The following ESPNL variants were observed in gnomAD, a reference collection of about 807,000 sequenced individuals.
ESPNL encodes the protein espin-like protein.
In ESPNL, 49 loss-of-function variants were observed where a neutral mutation model predicts 46.8. The ratio of observed to expected loss-of-function variants is 1.05; its 90% CI spans 0.83 to 1.33. The LOEUF (loss-of-function observed/expected upper bound fraction) is 1.33, where lower values mean the gene tolerates loss of function less well. Ranked by LOEUF, ESPNL falls within the 40% of genes most tolerant of loss-of-function variation. The pLI is 0.00. For missense variants in ESPNL, 1,540 were observed against 1,436.6 expected (o/e 1.07, Z -1.16); for synonymous variants, 664 against 662.1 (o/e 1.00, Z -0.04).
intron 6 of ESPNL, 36 bp from the exon 7 acceptor site, chr2:238,127,586 T>G: frequency 6.4e-7 from 1 of 1,558,916 alleles, no homozygotes; most frequent in African/African-American, 1.4e-5. Context: ...TCCCCAGCCC[T>G]TGCCCTTTCT....
rs537479190 is a variant in ESPNL at position 238,101,014 on chromosome 2, A to G, written c.294+301A>G. ...CTGTCTCTGATCAGGCCTGGTCCAC[A>G]GGGCCTGCCTCCCAAAGGGTCTAGA... On this transcript the variant is annotated intron_variant, in intron 1 of 8. Transcript: ENST00000343063. Among the ~76,000 whole-genome samples the G allele has an allele frequency of 3.3e-5, 5 of 152,348 alleles. No individual in the cohort carries two copies. In the South Asian group the frequency reaches 1.0e-3, roughly 32 times the overall value.
chr2:238,125,173 T>C, intron 5 of ESPNL, 97 bp from the exon 6 acceptor site: 1 of 547,120 alleles, frequency 1.8e-6, no homozygotes, highest in Non-Finnish European at 3.2e-6. Flanking sequence ...ATGCACAGGC[T>C]CCCCAAGGCT....
At chr2:238,125,184 C>T (rs888321609) in intron 5 of ESPNL, 86 bp from the exon 6 acceptor site, 3 of 588,448 alleles carry the variant, frequency 5.1e-6, no homozygotes, top group Middle Eastern at 2.7e-4. Context: ...CCCCAAGGCT[C>T]GTCCACTGGG....
Position 238,107,872 on chromosome 2 carries a change from A to G in ESPNL, c.754A>G (p.Thr252Ala), listed in dbSNP as rs773695802. The part of the protein sequence containing the change: ...ALHFAARGGH[T>A]PILDRLLLMG... ...GCACTTTGCAGCCCGAGGCGGCCAC[A>G]CGCCCATTCTAGACCGACTCCTGCT... is the stretch of plus-strand genomic sequence containing the variant. The change falls in exon 4 of 9, where the codon ACG (threonine) becomes GCG (alanine). Residue 252 changes from threonine to alanine, a missense_variant. By Grantham distance (58) the Thr-to-Ala change is moderately conservative. Transcript: ENST00000343063. The G allele has an allele frequency of 3.1e-6, 5 of 1,611,928 alleles. No homozygotes were observed. In the South Asian group the frequency reaches 4.4e-5, roughly 14 times the overall value.
chr2:238,101,990 G>A lies in ESPNL; in HGVS notation c.344G>A (p.Gly115Glu). ...CCGCTGCACCTGGCCGCCCGTTTTG[G>A]ACACCCAGTGCTGGTGGAGTGGCTG... Reference protein sequence around the residue: ...VSPLHLAARFGHPVLVEWLLH... With the variant: ...VSPLHLAARFEHPVLVEWLLH... Residue 115 changes from glycine (G) to glutamate (E), a missense_variant, in exon 2 of 9, where the codon GGA becomes GAA. Coordinates refer to ENST00000343063, the MANE Select transcript of ESPNL (RefSeq NM_194312.4). 1.2e-6 allele frequency: 2 copies of A among 1,610,628 alleles called. No homozygotes were observed. The highest frequency in any genetic ancestry group is 1.7e-6 in the Non-Finnish European group (2 of 1,179,718).
chr2:238,126,278 TTG>T lies in ESPNL; in HGVS notation c.1102+898_1102+899del, dbSNP rs529632175. On this transcript the variant is annotated intron_variant, in intron 6 of 8. Transcript: ENST00000343063. ...ATTGTGTGTTCTGTACATCTGTGTATTGTGTTTGTGTTTCTGTGCATGATTGT... is the reference window on the plus strand; with the variant it reads ...ATTGTGTGTTCTGTACATCTGTGTATTGTTTGTGTTTCTGTGCATGATTGT... Among the ~76,000 whole-genome samples, 64 of 151,558 alleles carry T rather than the reference TTG, an allele frequency of 4.2e-4. 1 individual carries two copies. Among genetic ancestry groups the T allele is most frequent in the African/African-American group, 1.5e-3 (62 of 41,302 alleles).
In ESPNL at chr2:238,130,706, C is replaced by T; in HGVS notation, c.1992C>T (p.Gly664=). The change falls in exon 9 of 9, where the codon GGC becomes GGT. Residue 664 remains glycine, a synonymous_variant. Transcript: ENST00000343063. ...TLRGNFESAS[G]PLCGFNPGPC... is the part of the protein sequence containing the mutation. ...GGGGCAACTTCGAGTCGGCCTCTGG[C>T]CCACTCTGTGGCTTCAACCCTGGCC... 1 of 1,566,778 alleles carries T rather than the reference C, an allele frequency of 6.4e-7. No individual in the cohort carries two copies. The highest frequency in any genetic ancestry group is 2.3e-5 in the East Asian group (1 of 42,658).
Position 238,130,615 on chromosome 2 carries a change from C to T in ESPNL, c.1901C>T (p.Ala634Val). Residue 634 changes from alanine to valine, a missense_variant, in exon 9 of 9, where the codon GCC becomes GTC. Physicochemically the swap from Ala to Val is moderately conservative, Grantham distance 64 (BLOSUM62 0). Coordinates refer to ENST00000343063, the MANE Select transcript of ESPNL (RefSeq NM_194312.4). ...PLQDTCREAS[A>V]SPPRSEAQRQ... Reference sequence around the variant, plus strand: ...CAGGACACCTGCAGGGAGGCCTCGGCCAGCCCCCCTCGGAGCGAGGCCCAG... The same window carrying T: ...CAGGACACCTGCAGGGAGGCCTCGGTCAGCCCCCCTCGGAGCGAGGCCCAG... 1 of 1,564,428 alleles carries T rather than the reference C, an allele frequency of 6.4e-7. No homozygotes were observed. Among genetic ancestry groups the T allele is most frequent in the East Asian group, 2.4e-5 (1 of 42,342 alleles).
chr2:238,107,899 A>G lies in ESPNL; in HGVS notation c.781A>G (p.Met261Val), dbSNP rs1445150698. 1 of 1,612,946 alleles carries G rather than the reference A, an allele frequency of 6.2e-7. No homozygotes were observed. Among genetic ancestry groups the G allele is most frequent in the Admixed American group, 1.7e-5 (1 of 59,966 alleles). The change falls in exon 4 of 9, where the codon ATG (methionine) becomes GTG (valine). Residue 261 changes from methionine (M) to valine (V), a missense_variant. Physicochemically the swap from Met to Val is conservative, Grantham distance 21. Transcript: ENST00000343063. ...GCCCATTCTAGACCGACTCCTGCTCATGGGTACCCCCATCCTGAGAGACTC... is the reference window on the plus strand; with the variant it reads ...GCCCATTCTAGACCGACTCCTGCTCGTGGGTACCCCCATCCTGAGAGACTC... ...HTPILDRLLL[M>V]GTPILRDSWG...
chr2:238,122,603 T>C (rs1003171112), intron 5 of ESPNL, among the ~76,000 whole-genome samples: 1 of 152,150 alleles, frequency 6.6e-6, no homozygotes, highest in African/African-American at 2.4e-5. Context: ...TCCACCTCTT[T>C]TGTCTTCCCC....
At chr2:238,113,018 A>G (rs1402725005) in intron 4 of ESPNL, among the ~76,000 whole-genome samples, 1 of 152,196 alleles carries the variant, frequency 6.6e-6, no homozygotes, top group Non-Finnish European at 1.5e-5. Flanking sequence ...TACACATTTT[A>G]GTTTACTGGA....
chr2:238,107,726 C>A, intron 3 of ESPNL, 65 bp from the exon 4 acceptor site: 1 of 1,448,268 alleles, frequency 6.9e-7, no homozygotes, highest in Non-Finnish European at 9.3e-7. Flanking sequence ...CTGCTCCAAG[C>A]CCCTCCCACT....
rs1301086617 is a variant in ESPNL, at chr2:238,100,437, A to G, written c.18A>G (p.Ala6=). 6.2e-7 allele frequency: 1 copy of G among 1,602,406 alleles called. No homozygotes were observed. The highest frequency in any genetic ancestry group is 8.5e-7 in the Non-Finnish European group (1 of 1,176,966). Residue 6 remains alanine, a synonymous_variant, in exon 1 of 9, where the codon GCA becomes GCG. Transcript: ENST00000343063. MEKQR[A]LVAAKDGDVA... ...GCCAGAGGATGGAGAAGCAGCGGGC[A>G]CTCGTGGCCGCCAAGGATGGGGATG...
chr2:238,121,770 C>G (rs12994773), intron 5 of ESPNL, among the ~76,000 whole-genome samples: 82,689 of 152,192 alleles, frequency 0.54, 24,555 homozygotes, highest in African/African-American at 0.79. Context: ...GTGGGCCCTC[C>G]GGACAGGTGT....
At position 238,103,738 on chromosome 2, in the gene ESPNL, CT is replaced by C. The variant is rs1334995257; in HGVS notation, c.486-917del. On this transcript the variant is annotated intron_variant, in intron 2 of 8. Transcript: ENST00000343063. Reference sequence around the variant, plus strand: ...CCCCTGAGAAGGGCACCAAGGCATACTGGCAGCCCTTTGGGGCACATTCCAT... The same window carrying C: ...CCCCTGAGAAGGGCACCAAGGCATACGGCAGCCCTTTGGGGCACATTCCAT... Among the ~76,000 whole-genome samples, 3 of 152,260 alleles carry C rather than the reference CT, an allele frequency of 2.0e-5. No individual in the cohort carries two copies. In the East Asian group the frequency reaches 5.8e-4, roughly 29 times the overall value.
At position 238,130,927 on chromosome 2, in the gene ESPNL, A is replaced by G; in HGVS notation, c.2213A>G (p.Lys738Arg). Residue 738 changes from lysine (K) to arginine (R), a missense_variant, in exon 9 of 9, where the codon AAG becomes AGG. Coordinates refer to ENST00000343063, the MANE Select transcript of ESPNL (RefSeq NM_194312.4). ...AAGPDLASLR[K>R]ERIIMLFLSH... is the part of the protein sequence containing the mutation. ...GGCCCAGACCTGGCCAGCCTGCGCA[A>G]GGAGCGCATCATCATGCTCTTCCTC... 6.5e-7 allele frequency: 1 copy of G among 1,549,374 alleles called. No homozygotes were observed. The highest frequency in any genetic ancestry group is 8.7e-7 in the Non-Finnish European group (1 of 1,147,444).
In ESPNL at chr2:238,102,028, C is replaced by A; in HGVS notation, c.382C>A (p.His128Asn). 6.2e-7 allele frequency: 1 copy of A among 1,606,326 alleles called. No individual in the cohort carries two copies. Residue 128 changes from histidine (H) to asparagine (N), a missense_variant, in exon 2 of 9, where the codon CAC (histidine) becomes AAC (asparagine). Physicochemically the swap from His to Asn is moderately conservative, Grantham distance 68. Transcript: ENST00000343063. ...VLVEWLLHEG[H>N]SATLETREGA... is the part of the protein sequence containing the mutation. Reference sequence around the variant, plus strand: ...GGTGGAGTGGCTGCTCCACGAGGGCCACTCGGCCACGCTAGAGACCCGGGA... The same window carrying A: ...GGTGGAGTGGCTGCTCCACGAGGGCAACTCGGCCACGCTAGAGACCCGGGA...
At chr2:238,123,866 T>C (rs876569) in intron 5 of ESPNL, among the ~76,000 whole-genome samples, 82,244 of 151,966 alleles carry the variant, frequency 0.54, 24,257 homozygotes, top group African/African-American at 0.78. Context: ...TGTGTTCCCT[T>C]CCCCGTGGCC....
intron 5 of ESPNL, among the ~76,000 whole-genome samples, chr2:238,120,618 G>A (rs1199534424): frequency 6.6e-6 from 1 of 152,354 alleles, no homozygotes; most frequent in African/African-American, 2.4e-5. Flanking sequence ...CAACCCCGGG[G>A]CCTTCCCGGC....
Sources: allele counts gnomAD v4.1 joint callset (sites outside exome capture counted in the v4.1 genomes callset), GRCh38; gene constraint gnomAD v4.1.1; transcripts MANE v1.5; gene names NCBI Gene and HGNC (gene_info 2026-07-23, HGNC 2026-07-21).